The following ANO6 variants were observed in gnomAD, a reference collection of about 807,000 sequenced individuals.
ANO6 encodes the protein anoctamin-6.
ANO6 carries 106 observed loss-of-function variants against 117.5 expected under a neutral mutation model. That is an observed-to-expected ratio of 0.90 (90% CI 0.77 to 1.06). The LOEUF (loss-of-function observed/expected upper bound fraction) is 1.06, where lower values mean the gene tolerates loss of function less well. Ranked by LOEUF, ANO6 falls within the 50% of genes least tolerant of loss-of-function variation. The pLI is 0.00. For missense variants in ANO6, 955 were observed against 1,121.1 expected (o/e 0.85, Z 2.12); for synonymous variants, 367 against 385.1 (o/e 0.95, Z 0.55).
At chr12:45,275,080 G>A (rs146040251) in intron 1 of ANO6, among the ~76,000 whole-genome samples, 1 of 152,048 alleles carries the variant, frequency 6.6e-6, no homozygotes, top group East Asian at 1.9e-4. Context: ...TAAGTTGTAT[G>A]ACTGAAGGAG....
chr12:45,399,332 A>C (rs1942720212), intron 12 of ANO6, among the ~76,000 whole-genome samples: 1 of 152,040 alleles, frequency 6.6e-6, no homozygotes, highest in Admixed American at 6.6e-5. Flanking sequence ...AGTAGCTGGG[A>C]TTACAGGCAC....
chr12:45,418,000 T>A (rs1033898353), intron 17 of ANO6, among the ~76,000 whole-genome samples: 4 of 152,200 alleles, frequency 2.6e-5, no homozygotes, highest in African/African-American at 9.6e-5. Flanking sequence ...CCACATATCA[T>A]AAGAATAGTA....
chr12:45,235,035 G>A (rs1443714394), intron 1 of ANO6, among the ~76,000 whole-genome samples: 4 of 151,214 alleles, frequency 2.6e-5, no homozygotes, highest in South Asian at 2.1e-4. Flanking sequence ...TTCCTCCTCA[G>A]TTGTTCAAAC....
intron 7 of ANO6, among the ~76,000 whole-genome samples, chr12:45,353,488 A>G (rs916005999): frequency 1.4e-4 from 22 of 152,170 alleles, no homozygotes; most frequent in Non-Finnish European, 2.4e-4. Context: ...GCTTTAGTAA[A>G]GAAAACTTCC....
chr12:45,270,494 ACTC>A, intron 1 of ANO6: 1 of 1,376,112 alleles, frequency 7.3e-7, no homozygotes, highest in South Asian at 1.3e-5. Flanking sequence ...GCCTTTTCTG[ACTC>A]CTCATACTCA....
chr12:45,259,047 A>G (rs900389591), intron 1 of ANO6, among the ~76,000 whole-genome samples: 3 of 152,120 alleles, frequency 2.0e-5, no homozygotes, highest in African/African-American at 2.4e-5. Context: ...AGTTTCCATT[A>G]TTTTCATTTA....
At chr12:45,347,129 C>G (rs2137445120) in intron 4 of ANO6, 42 bp downstream of exon 4, 1 of 1,594,726 alleles carries the variant, frequency 6.3e-7, no homozygotes, top group Non-Finnish European at 8.6e-7. Flanking sequence ...GACCACTGTT[C>G]TCGGGCAGCT....
intron 1 of ANO6, among the ~76,000 whole-genome samples, chr12:45,254,060 A>G (rs11182944): frequency 0.096 from 14,585 of 152,194 alleles, 947 homozygotes; most frequent in East Asian, 0.37. Flanking sequence ...CCAACTACTC[A>G]GGAGGCTGAG....
chr12:45,367,600 T>A (rs545472917), intron 8 of ANO6, 88 bp from the exon 9 acceptor site: 45 of 990,346 alleles, frequency 4.5e-5, no homozygotes, highest in Admixed American at 6.3e-5. Flanking sequence ...AAGATCGGTT[T>A]AGTTTTGTTT....
chr12:45,348,027 G>A lies in ANO6; in HGVS notation c.346-1G>A. ...TCTGCGTTTTTATTTTTCCAATATA[G>A]GTATTGGATGACAAGCTTGTATTTG... On this transcript the variant is annotated splice_acceptor_variant, in intron 4 of 19. Transcript: ENST00000320560. LOFTEE classifies it high-confidence loss of function. The A allele has an allele frequency of 6.2e-7, 1 of 1,612,402 alleles. No homozygotes were observed. The highest frequency in any genetic ancestry group is 8.5e-7 in the Non-Finnish European group (1 of 1,178,892).
At chr12:45,335,082 T>A in intron 3 of ANO6, among the ~76,000 whole-genome samples, 1 of 152,038 alleles carries the variant, frequency 6.6e-6, no homozygotes, top group Non-Finnish European at 1.5e-5. Context: ...AATTATCCAT[T>A]CCTAAAAGTT....
chr12:45,347,180 A>G, intron 4 of ANO6, 93 bp downstream of exon 4: 1 of 1,177,492 alleles, frequency 8.5e-7, no homozygotes, highest in Non-Finnish European at 1.3e-6. Flanking sequence ...GGAAACATGC[A>G]GCCCTGGCCA....
chr12:45,322,489 T>C (rs1414639553), intron 2 of ANO6, among the ~76,000 whole-genome samples: 1 of 152,200 alleles, frequency 6.6e-6, no homozygotes, highest in African/African-American at 2.4e-5. Flanking sequence ...AGTTTGGACT[T>C]CCTCTAGAGG....
In ANO6 at chr12:45,317,113, G is replaced by GTGTGTGTGTATATATATATA; in HGVS notation, c.151-14181_151-14180insGTGTGTGTATATATATATAT. ...AAAGACAGCTGGATTCTTTTTATAT[G>GTGTGTGTGTATATATATATA]TATATATATATATATATATTTATTA... On this transcript the variant is annotated intron_variant, in intron 2 of 19. Transcript: ENST00000320560. Among the ~76,000 whole-genome samples, 272 of 66,466 alleles carry GTGTGTGTGTATATATATATA rather than the reference G, an allele frequency of 4.1e-3. 33 individuals are homozygous for GTGTGTGTGTATATATATATA. The highest frequency in any genetic ancestry group is 9.5e-3 in the African/African-American group (231 of 24,324). The allele number at this position is 66,466 out of a possible 152,430, so 43.6% of individuals were successfully genotyped here. A position where few individuals can be genotyped will look rare whatever the true frequency, so the allele number is the denominator to read the frequency against.
chr12:45,391,882 T>A (rs980644278), intron 12 of ANO6, among the ~76,000 whole-genome samples: 2 of 152,058 alleles, frequency 1.3e-5, no homozygotes, highest in African/African-American at 2.4e-5. Context: ...AAAAGGAAGT[T>A]GCCAAGATGG....
At chr12:45,348,485 T>C in intron 5 of ANO6, 33 bp from the exon 6 acceptor site, 1 of 1,575,756 alleles carries the variant, frequency 6.3e-7, no homozygotes, top group Non-Finnish European at 8.7e-7. Context: ...TTACACTATA[T>C]AAACCGCATA....
intron 3 of ANO6, among the ~76,000 whole-genome samples, chr12:45,336,381 A>G (rs892804828): frequency 2.0e-5 from 3 of 152,058 alleles, no homozygotes; most frequent in African/African-American, 7.2e-5. Context: ...TGTACTTTTT[A>G]TAGTTATTAG....
At chr12:45,270,946 C>T (rs1451888589) in intron 1 of ANO6, among the ~76,000 whole-genome samples, 2 of 152,120 alleles carry the variant, frequency 1.3e-5, no homozygotes, top group South Asian at 4.1e-4. Context: ...TCTTGAACTC[C>T]TGACCTCAAG....
chr12:45,219,194 A>T (rs1024522898), intron 1 of ANO6, among the ~76,000 whole-genome samples: 5 of 152,162 alleles, frequency 3.3e-5, no homozygotes, highest in Non-Finnish European at 7.3e-5. Flanking sequence ...CCCCAAAAAA[A>T]AACTTTCTAA....
Sources: gnomAD v4.1 joint callset for allele counts (sites outside exome capture counted in the v4.1 genomes callset) on GRCh38, gnomAD v4.1.1 for gene constraint, MANE v1.5 for transcripts, NCBI Gene and HGNC (gene_info 2026-07-23, HGNC 2026-07-21) for gene names.